Variants in RELT observed in about 807,000 individuals in gnomAD.
The protein encoded by RELT is tumor necrosis factor receptor superfamily member 19L.
RELT carries 37 observed loss-of-function variants against 51.1 expected under a neutral mutation model. That is an observed-to-expected ratio of 0.72 (90% CI 0.56 to 0.95). The LOEUF (loss-of-function observed/expected upper bound fraction) is 0.95, where lower values mean the gene tolerates loss of function less well. Among genes scored for constraint, RELT ranks in the 40% least tolerant of loss-of-function variants. The pLI is 0.00. For missense variants in RELT, 535 were observed against 572.6 expected, an observed-to-expected ratio of 0.93 and a Z score of 0.67; for synonymous variants, 241 against 235.7, an observed-to-expected ratio of 1.02 and a Z score of -0.21.
chr11:73,394,558 C>T lies in RELT; in HGVS notation c.870C>T (p.Leu290=), dbSNP rs529607831. 1.9e-6 allele frequency: 3 copies of T among 1,612,396 alleles called. No individual in the cohort carries two copies. Among genetic ancestry groups the T allele is most frequent in the Middle Eastern group, 3.3e-4 (2 of 6,062 alleles). Residue 290 remains leucine (L), a synonymous_variant, in exon 9 of 11, where the codon CTC becomes CTT. Coordinates refer to ENST00000064780, the MANE Select transcript of RELT (RefSeq NM_152222.2). This position sits in a 1 kb window ranked among gnomAD's most constrained non-coding sequence, Gnocchi z 4.9. ...HLHTVQGLAS[L]SGPCCSRCSQ... is the part of the protein sequence containing the mutation. Reference sequence around the variant, plus strand: ...ACACCGTGCAGGGCCTGGCCTCGCTCTCTGGCCCCTGCTGCTCCCGCTGTA... The same window carrying T: ...ACACCGTGCAGGGCCTGGCCTCGCTTTCTGGCCCCTGCTGCTCCCGCTGTA...
In RELT at chr11:73,390,819, C is replaced by G. The variant is rs2134450726; in HGVS notation, c.185C>G (p.Ser62Cys). The G allele has an allele frequency of 6.2e-7, 1 of 1,612,002 alleles. No homozygotes were observed. The highest frequency in any genetic ancestry group is 1.7e-4 in the Middle Eastern group (1 of 6,052). The change falls in exon 4 of 11, where the codon TCC becomes TGC. Residue 62 changes from serine (S) to cysteine (C), a missense_variant. Transcript: ENST00000064780. Reference sequence around the variant, plus strand: ...GGCACCTTCTCAGCTGCATGGGGCTCCAGCCCATGCCAGCCCCATGCCCGT... The same window carrying G: ...GGCACCTTCTCAGCTGCATGGGGCTGCAGCCCATGCCAGCCCCATGCCCGT... ...PPGTFSAAWGSSPCQPHARCS... is the reference protein window; with the variant it reads ...PPGTFSAAWGCSPCQPHARCS...
chr11:73,393,186 G>T, intron 6 of RELT: 1 of 1,000,724 alleles, frequency 1.0e-6, no homozygotes, highest in Non-Finnish European at 1.2e-6. Flanking sequence ...TCTGGCGGGG[G>T]CAGGAAGCGG....
At chr11:73,389,815 A>G (rs1866182102) in intron 2 of RELT, among the ~76,000 whole-genome samples, 1 of 152,152 alleles carries the variant, frequency 6.6e-6, no homozygotes, top group African/African-American at 2.4e-5. Context: ...GTCTGAGGAG[A>G]TCCCTATTCC....
chr11:73,376,661 C>G (rs527365126), intron 1 of RELT, 162 bp downstream of exon 1: 4 of 152,124 alleles, frequency 2.6e-5, no homozygotes, highest in East Asian at 1.9e-4. Flanking sequence ...CCCCACTCCT[C>G]CCGCCTCGCG....
Position 73,394,972 on chromosome 11 carries a change from C to A in RELT, c.1047-115C>A. On this transcript the variant is annotated intron_variant, in intron 9 of 10. Transcript: ENST00000064780. The surrounding 1 kb of genome is among the most constrained non-coding windows in gnomAD (Gnocchi z 4.9). ...CATCTTGGCCCCCATGGCACCCGGG[C>A]CTCTCAGGCTAAGGCTCTGGTCCAT... 1 of 1,021,440 alleles carries A rather than the reference C, an allele frequency of 9.8e-7. No individual in the cohort carries two copies. Among genetic ancestry groups the A allele is most frequent in the Non-Finnish European group, 1.5e-6 (1 of 685,008 alleles). 63.3% of individuals were successfully genotyped at this position (1,021,440 alleles called of 1,614,324 possible). A position where few individuals can be genotyped will look rare whatever the true frequency, so the allele number is the denominator to read the frequency against.
rs569625319 is a variant in RELT, at chr11:73,390,626, G to A, written c.120+1G>A. 2.4e-5 allele frequency: 39 copies of A among 1,613,700 alleles called. No homozygotes were observed. Among genetic ancestry groups the A allele is most frequent in the African/African-American group, 9.3e-5 (7 of 74,948 alleles). The stretch of plus-strand genomic sequence containing the variant: ...CCCACCTGGGGAGGAGCCCGACCTG[G>A]TGAGCATTGCCCTGCTCTCCTGCCT... On this transcript the variant is annotated splice_donor_variant, in intron 3 of 10. Transcript: ENST00000064780. LOFTEE classifies it high-confidence loss of function.
intron 1 of RELT, among the ~76,000 whole-genome samples, chr11:73,380,304 C>A (rs1866031073): frequency 6.6e-6 from 1 of 152,230 alleles, no homozygotes; most frequent in Non-Finnish European, 1.5e-5. Flanking sequence ...TCACCATGAC[C>A]TGAGGCAGAA....
At chr11:73,379,127 C>T (rs1044556832) in intron 1 of RELT, among the ~76,000 whole-genome samples, 3 of 152,168 alleles carry the variant, frequency 2.0e-5, no homozygotes, top group Admixed American at 6.6e-5. Flanking sequence ...GTCCCTCGGT[C>T]CTCTCTGCAA....
intron 1 of RELT, among the ~76,000 whole-genome samples, chr11:73,380,734 C>T (rs544424041): frequency 6.6e-6 from 1 of 152,342 alleles, no homozygotes; most frequent in South Asian, 2.1e-4. Context: ...GTTATGGGGC[C>T]AGCCCTTCTG....
chr11:73,394,642 T>G lies in RELT; in HGVS notation c.954T>G (p.Pro318=). Residue 318 remains proline (P), a synonymous_variant, in exon 9 of 11, where the codon CCT becomes CCG. Coordinates refer to ENST00000064780, the MANE Select transcript of RELT (RefSeq NM_152222.2). This position sits in a 1 kb window ranked among gnomAD's most constrained non-coding sequence, Gnocchi z 4.9. ...CTGAGGCTGTAGCCGCCACTACTCC[T>G]GTTCCCAGCCTTCTGCCTAACCCGA... ...LSPEAVAATT[P]VPSLLPNPTR... is the part of the protein sequence containing the mutation. The G allele has an allele frequency of 3.7e-6, 6 of 1,613,858 alleles. No homozygotes were observed. Among genetic ancestry groups the G allele is most frequent in the Non-Finnish European group, 5.1e-6 (6 of 1,180,024 alleles).
Position 73,393,868 on chromosome 11 carries a change from C to T in RELT, c.657C>T (p.Ala219=). 6.2e-7 allele frequency: 1 copy of T among 1,614,022 alleles called. No homozygotes were observed. The highest frequency in any genetic ancestry group is 8.5e-7 in the Non-Finnish European group (1 of 1,179,960). ...ACCCTGCCTACCGGACTGAGGATGC[C>T]AATGAGGACACCATTGGGGTCCTGG... ...GINPAYRTED[A]NEDTIGVLVR... Residue 219 remains alanine (A), a synonymous_variant, in exon 7 of 11, where the codon GCC becomes GCT. Coordinates refer to ENST00000064780, the MANE Select transcript of RELT (RefSeq NM_152222.2).
At chr11:73,377,081 TGC>T (rs1300189213) in intron 1 of RELT, among the ~76,000 whole-genome samples, 4 of 151,956 alleles carry the variant, frequency 2.6e-5, no homozygotes, top group Admixed American at 2.0e-4. Flanking sequence ...GCAGCGTGTG[TGC>T]GTGTGTTGTG....
At chr11:73,383,717 G>T (rs760001208) in intron 1 of RELT, among the ~76,000 whole-genome samples, 2 of 152,210 alleles carry the variant, frequency 1.3e-5, no homozygotes, top group Non-Finnish European at 2.9e-5. Flanking sequence ...CCTGACCTCA[G>T]TTTGCCCAGC....
chr11:73,391,255 A>T, intron 5 of RELT, 32 bp downstream of exon 5: 1 of 1,598,092 alleles, frequency 6.3e-7, no homozygotes, highest in Non-Finnish European at 8.6e-7. Context: ...GGACTGGTGC[A>T]GGGGTATGTG....
rs191165333 is a variant in RELT, at chr11:73,378,842, A to T, written c.-26+2343A>T. Among the ~76,000 whole-genome samples, 81 of 152,240 alleles carry T rather than the reference A, an allele frequency of 5.3e-4. 1 individual carries two copies. The highest frequency in any genetic ancestry group is 1.9e-3 in the African/African-American group (78 of 41,534). ...TGGGGGTGTCCCCATGGCTTTGAAG[A>T]GTGTATGGAGTTAGCAGCACAGCCT... On this transcript the variant is annotated intron_variant, in intron 1 of 10. Transcript: ENST00000064780.
chr11:73,378,189 C>T (rs897725053), intron 1 of RELT, among the ~76,000 whole-genome samples: 5 of 152,116 alleles, frequency 3.3e-5, no homozygotes, highest in African/African-American at 1.2e-4. Context: ...CTTCTGAGGC[C>T]CCTTCTCCCG....
intron 4 of RELT, 64 bp downstream of exon 4, chr11:73,390,985 C>A: frequency 6.3e-7 from 1 of 1,586,216 alleles, no homozygotes; most frequent in East Asian, 2.2e-5. Flanking sequence ...ATCCTGGGGC[C>A]CCAGCCTTAT....
Position 73,394,827 on chromosome 11 carries a change from A to G in RELT, c.1046+93A>G, listed in dbSNP as rs1866285312. ...CAGGGCCCCAGCTTGGGCCCTGAGC[A>G]CCCTGCTCAATGGGAGCCCTGCCCT... On this transcript the variant is annotated intron_variant, in intron 9 of 10. Transcript: ENST00000064780. The surrounding 1 kb of genome is among the most constrained non-coding windows in gnomAD (Gnocchi z 4.9). The G allele has an allele frequency of 6.9e-7, 1 of 1,448,570 alleles. No homozygotes were observed. The highest frequency in any genetic ancestry group is 1.3e-5 in the South Asian group (1 of 78,458). The allele number at this position is 1,448,570 out of a possible 1,614,324, so 89.7% of individuals were successfully genotyped here. A position where few individuals can be genotyped will look rare whatever the true frequency, so the allele number is the denominator to read the frequency against.
Position 73,394,977 on chromosome 11 carries a change from C to G in RELT, c.1047-110C>G, listed in dbSNP as rs1866287759. 9.3e-7 allele frequency: 1 copy of G among 1,071,358 alleles called. No homozygotes were observed. Among genetic ancestry groups the G allele is most frequent in the African/African-American group, 1.6e-5 (1 of 63,566 alleles). 66.4% of individuals were successfully genotyped at this position (1,071,358 alleles called of 1,614,324 possible). A position where few individuals can be genotyped will look rare whatever the true frequency, so the allele number is the denominator to read the frequency against. On this transcript the variant is annotated intron_variant, in intron 9 of 10. Coordinates refer to ENST00000064780, the MANE Select transcript of RELT (RefSeq NM_152222.2). This position sits in a 1 kb window ranked among gnomAD's most constrained non-coding sequence, Gnocchi z 4.9. ...TGGCCCCCATGGCACCCGGGCCTCT[C>G]AGGCTAAGGCTCTGGTCCATGAACT...
Sources: gnomAD v4.1 joint callset for allele counts (sites outside exome capture counted in the v4.1 genomes callset) on GRCh38, gnomAD v4.1.1 for gene constraint, Gnocchi (gnomAD v3.1) non-coding constraint, MANE v1.5 for transcripts, NCBI Gene and HGNC (gene_info 2026-07-23, HGNC 2026-07-21) for gene names.